The following TCERG1 variants were observed in gnomAD, a reference collection of about 807,000 sequenced individuals.
TCERG1 encodes transcription elongation regulator 1, also known as TATA box binding protein (TBP)-associated factor, RNA polymerase II, S, 150kD.
A neutral mutation model predicts 144.7 loss-of-function variants in TCERG1; 37 were observed. The ratio of observed to expected loss-of-function variants is 0.26; its 90% confidence interval spans 0.20 to 0.34. The LOEUF (loss-of-function observed/expected upper bound fraction) is 0.34, where lower values mean the gene tolerates loss of function less well. TCERG1 is among the 10% of genes least tolerant of loss of function. The pLI is 1.00. For synonymous variants in TCERG1, 492 were observed against 458.2 expected, an observed-to-expected ratio of 1.07 and a Z score of -0.94; for missense variants, 1,027 against 1,380.7, an observed-to-expected ratio of 0.74 and a Z score of 4.06.
Position 146,457,311 on chromosome 5 carries a change from T to C in TCERG1, c.414T>C (p.Val138=). 1 of 1,610,284 alleles carries C rather than the reference T, an allele frequency of 6.2e-7. No individual in the cohort carries two copies. Among genetic ancestry groups the C allele is most frequent in the African/African-American group, 1.3e-5 (1 of 74,890 alleles). ...TACCTCCTACGGAGGAGATATGGGT[T>C]GAAAATAAAACTCCAGATGGGAAGG... The part of the protein sequence containing the change: ...PALPPTEEIW[V]ENKTPDGKVY... The change falls in exon 3 of 23, where the codon GTT becomes GTC. Residue 138 remains valine (V), a synonymous_variant. Coordinates refer to ENST00000679501, the MANE Select transcript of TCERG1 (RefSeq NM_001382548.1).
At chr5:146,488,335 T>C (rs192803852) in intron 15 of TCERG1, among the ~76,000 whole-genome samples, 1 of 152,270 alleles carries the variant, frequency 6.6e-6, no homozygotes, top group East Asian at 1.9e-4. Context: ...TAACTACTTA[T>C]TTGATAGGGA....
At chr5:146,500,222 T>A (rs1327272161) in intron 17 of TCERG1, among the ~76,000 whole-genome samples, 1 of 152,022 alleles carries the variant, frequency 6.6e-6, no homozygotes, top group East Asian at 1.9e-4. Flanking sequence ...CTCAGCCAAT[T>A]TAAAGAATGC....
At chr5:146,490,412 G>A (rs1280028700) in intron 15 of TCERG1, among the ~76,000 whole-genome samples, 1 of 152,182 alleles carries the variant, frequency 6.6e-6, no homozygotes, top group African/African-American at 2.4e-5. Context: ...GAGAGAATGT[G>A]CAGGGAAAGT....
At chr5:146,462,128 T>C (rs977998851) in intron 4 of TCERG1, 1 of 152,606 alleles carries the variant, frequency 6.6e-6, no homozygotes, top group African/African-American at 2.4e-5. Flanking sequence ...ACGAAATTGC[T>C]CACATCTTCC....
intron 1 of TCERG1, among the ~76,000 whole-genome samples, chr5:146,452,622 C>T (rs888559497): frequency 3.3e-5 from 5 of 152,134 alleles, no homozygotes; most frequent in Admixed American, 3.3e-4. Flanking sequence ...CAGAGTTTTG[C>T]TCTATTGCCC....
intron 2 of TCERG1, 113 bp from the exon 3 acceptor site, chr5:146,457,070 G>A: frequency 1.4e-6 from 2 of 1,389,670 alleles, no homozygotes; most frequent in Non-Finnish European, 2.0e-6. Context: ...GAATGTGTTT[G>A]AATAGACTAT....
At position 146,483,521 on chromosome 5, in the gene TCERG1, A is replaced by G. The variant is rs370605171; in HGVS notation, c.2074-19A>G. On this transcript the variant is annotated intron_variant, in intron 14 of 22. Transcript: ENST00000679501. Reference sequence around the variant, plus strand: ...TTAGAGGAGACTTAATTATGAGGCAATACGTTTTTATTTTAAAGGTGTCTG... The same window carrying G: ...TTAGAGGAGACTTAATTATGAGGCAGTACGTTTTTATTTTAAAGGTGTCTG... 89 of 1,603,142 alleles carry G rather than the reference A, an allele frequency of 5.6e-5. No individual in the cohort carries two copies. Among genetic ancestry groups the G allele is most frequent in the South Asian group, 3.4e-4 (30 of 89,226 alleles).
intron 14 of TCERG1, 67 bp downstream of exon 14, chr5:146,482,794 A>G (rs1347888108): frequency 2.7e-6 from 4 of 1,488,212 alleles, no homozygotes; most frequent in African/African-American, 1.4e-5. Context: ...GTCTTGCTAA[A>G]AGGTCAAATC....
At chr5:146,489,971 C>T (rs1403635177) in intron 15 of TCERG1, among the ~76,000 whole-genome samples, 1 of 152,066 alleles carries the variant, frequency 6.6e-6, no homozygotes, top group Non-Finnish European at 1.5e-5. Context: ...TGGGGTAGCC[C>T]AGCAGAGGGA....
chr5:146,447,331 A>C (rs778198269), upstream of TCERG1: 11 of 1,609,178 alleles, frequency 6.8e-6, no homozygotes, highest in Admixed American at 5.1e-5. Context: ...CGGCGGGTGG[A>C]TGAACGCGGC....
chr5:146,457,140 A>G, intron 2 of TCERG1, 43 bp from the exon 3 acceptor site: 1 of 1,585,396 alleles, frequency 6.3e-7, no homozygotes, highest in Non-Finnish European at 8.6e-7. Flanking sequence ...AATTTGGAGG[A>G]AAAGTAATTA....
intron 4 of TCERG1, 23 bp from the exon 5 acceptor site, chr5:146,463,528 G>A: frequency 6.2e-7 from 1 of 1,613,612 alleles, no homozygotes; most frequent in Non-Finnish European, 8.5e-7. Context: ...AGTGATACAT[G>A]TTTTTGTTTT....
At chr5:146,469,252 T>C (rs1445821123) in intron 6 of TCERG1, among the ~76,000 whole-genome samples, 2 of 152,184 alleles carry the variant, frequency 1.3e-5, no homozygotes, top group African/African-American at 4.8e-5. Context: ...GAATATACCA[T>C]GTTTTTAAAT....
Position 146,503,314 on chromosome 5 carries a change from T to C in TCERG1, c.2434-61T>C, listed in dbSNP as rs895164997. 48 of 1,496,058 alleles carry C rather than the reference T, an allele frequency of 3.2e-5. No homozygotes were observed. The East Asian group carries it at 8.4e-4, about 26-fold the overall frequency. 92.7% of individuals were successfully genotyped at this position (1,496,058 alleles called of 1,614,324 possible). A position where few individuals can be genotyped will look rare whatever the true frequency, so the allele number is the denominator to read the frequency against. ...TTTCTAGTTGTAAATATTTAAGATA[T>C]GATGAATTTCTCATGGTACATTATT... On this transcript the variant is annotated intron_variant, in intron 17 of 22. Coordinates refer to ENST00000679501, the MANE Select transcript of TCERG1 (RefSeq NM_001382548.1).
At chr5:146,505,901 T>G (rs1767948064) in intron 19 of TCERG1, among the ~76,000 whole-genome samples, 1 of 152,130 alleles carries the variant, frequency 6.6e-6, no homozygotes, top group South Asian at 2.1e-4. Flanking sequence ...CTCAGTCTCC[T>G]GAGTAGCTGG....
intron 12 of TCERG1, 33 bp from the exon 13 acceptor site, chr5:146,481,117 C>A: frequency 8.2e-6 from 8 of 975,630 alleles, no homozygotes; most frequent in Non-Finnish European, 8.5e-6. Context: ...TTCTTATAGA[C>A]AACTCTGTAA....
At chr5:146,487,851 T>C (rs918381957) in intron 15 of TCERG1, among the ~76,000 whole-genome samples, 8 of 151,896 alleles carry the variant, frequency 5.3e-5, no homozygotes, top group African/African-American at 1.9e-4. Context: ...CTTCAAAATA[T>C]GCTAGAGAGC....
At chr5:146,448,944 T>C (rs900211632) in intron 1 of TCERG1, among the ~76,000 whole-genome samples, 1 of 152,248 alleles carries the variant, frequency 6.6e-6, no homozygotes, top group African/African-American at 2.4e-5. Flanking sequence ...CAAATGGCTT[T>C]ATTAATAGTC....
At chr5:146,470,496 C>G (rs1475046490) in intron 7 of TCERG1, 140 bp from the exon 8 acceptor site, 3 of 675,830 alleles carry the variant, frequency 4.4e-6, no homozygotes, top group Admixed American at 6.4e-5. Flanking sequence ...ACATAAGATT[C>G]AAATCAAAGA....
Sources: gnomAD v4.1 joint callset for allele counts (sites outside exome capture counted in the v4.1 genomes callset) on GRCh38, gnomAD v4.1.1 for gene constraint, MANE v1.5 for transcripts, NCBI Gene and HGNC (gene_info 2026-07-23, HGNC 2026-07-21) for gene names.